The following LTBP1 variants were observed in gnomAD, a reference collection of about 807,000 sequenced individuals.
The protein encoded by LTBP1 is latent-transforming growth factor beta-binding protein 1.
A neutral mutation model predicts 207.6 loss-of-function variants in LTBP1; 129 were observed. That is an observed-to-expected ratio of 0.62 (90% CI 0.54 to 0.72). LTBP1 has a LOEUF of 0.72. Among genes scored for constraint, LTBP1 ranks in the 30% least tolerant of loss-of-function variants. LTBP1 has a pLI of 0.00. For synonymous variants in LTBP1, 963 were observed against 833.7 expected, an observed-to-expected ratio of 1.16 and a Z score of -2.67; for missense variants, 2,281 against 2,217.2, an observed-to-expected ratio of 1.03 and a Z score of -0.58.
chr2:33,073,289 T>TG (rs1057357905), intron 3 of LTBP1, among the ~76,000 whole-genome samples: 1 of 151,488 alleles, frequency 6.6e-6, no homozygotes, highest in African/African-American at 2.4e-5. Flanking sequence ...TTTTTTTGTT[T>TG]TTGTTTTTTT....
At chr2:33,143,041 C>T (rs558256566) in intron 5 of LTBP1, among the ~76,000 whole-genome samples, 1 of 152,308 alleles carries the variant, frequency 6.6e-6, no homozygotes, top group East Asian at 1.9e-4. Flanking sequence ...TCTTCCACCC[C>T]AATCCTCTAC....
chr2:32,969,227 ATTTGTGTGTGTGTGTGTGTGTGTGTG>A (rs1314661529), intron 2 of LTBP1, among the ~76,000 whole-genome samples: 3 of 92,604 alleles, frequency 3.2e-5, no homozygotes, highest in East Asian at 2.8e-4. Flanking sequence ...CACCTGGCCA[ATTTGTGTGTGTGTGTGTGTGTGTGTG>A]TGTGTGTGTG....
intron 7 of LTBP1, among the ~76,000 whole-genome samples, chr2:33,197,992 A>G (rs2088769217): frequency 1.3e-5 from 2 of 152,234 alleles, no homozygotes; most frequent in Non-Finnish European, 2.9e-5. Context: ...AGGACTCTGG[A>G]AAACCCTGAT....
intron 5 of LTBP1, among the ~76,000 whole-genome samples, chr2:33,177,802 C>T (rs919205968): frequency 5.9e-5 from 9 of 152,204 alleles, no homozygotes; most frequent in African/African-American, 2.2e-4. Context: ...ATACATGGTG[C>T]ATACCTGTAT....
intron 10 of LTBP1, among the ~76,000 whole-genome samples, chr2:33,244,712 T>G (rs2092450924): frequency 6.6e-6 from 1 of 152,230 alleles, no homozygotes. Flanking sequence ...CTGTTCAGCC[T>G]GCTGAGTAGC....
chr2:33,175,182 C>T (rs1343876168), intron 5 of LTBP1, among the ~76,000 whole-genome samples: 1 of 150,940 alleles, frequency 6.6e-6, no homozygotes, highest in African/African-American at 2.4e-5. Flanking sequence ...TAAAGAGCTT[C>T]TGCACAGCAA....
chr2:33,148,348 A>C (rs1347834569), intron 5 of LTBP1, among the ~76,000 whole-genome samples: 1 of 152,198 alleles, frequency 6.6e-6, no homozygotes, highest in Non-Finnish European at 1.5e-5. Flanking sequence ...CTTTCTGATA[A>C]CATATGTTCT....
chr2:33,109,701 T>G (rs1409132878), intron 3 of LTBP1, among the ~76,000 whole-genome samples: 1 of 152,248 alleles, frequency 6.6e-6, no homozygotes, highest in African/African-American at 2.4e-5. Flanking sequence ...ATTTATATTA[T>G]TATGAGACAC....
At chr2:33,039,250 AG>A (rs1049997360) in intron 3 of LTBP1, among the ~76,000 whole-genome samples, 1 of 152,048 alleles carries the variant, frequency 6.6e-6, no homozygotes, top group African/African-American at 2.4e-5. Context: ...GGGGTAGGAA[AG>A]GGGCAAATGC....
intron 7 of LTBP1, among the ~76,000 whole-genome samples, chr2:33,207,446 A>T (rs2089969071): frequency 1.3e-5 from 2 of 152,198 alleles, no homozygotes; most frequent in South Asian, 4.1e-4. Context: ...GTTGTATCAG[A>T]TTCCCCAAAT....
intron 3 of LTBP1, among the ~76,000 whole-genome samples, chr2:33,026,607 A>T (rs945103714): frequency 1.3e-5 from 2 of 152,132 alleles, no homozygotes; most frequent in African/African-American, 4.8e-5. Context: ...AGGTAGTTGA[A>T]GGTTTTGATC....
At chr2:33,106,722 C>T (rs533331544) in intron 3 of LTBP1, among the ~76,000 whole-genome samples, 1 of 151,856 alleles carries the variant, frequency 6.6e-6, no homozygotes, top group African/African-American at 2.4e-5. Context: ...TTGTAGAGCA[C>T]AGGCAGAGTA....
chr2:33,301,830 T>C lies in LTBP1; in HGVS notation c.3481+186T>C, dbSNP rs547290860. Among the ~76,000 whole-genome samples the C allele has an allele frequency of 8.5e-5, 13 of 152,292 alleles. 1 individual carries two copies. Among genetic ancestry groups the C allele is most frequent in the African/African-American group, 3.1e-4 (13 of 41,548 alleles). On this transcript the variant is annotated intron_variant, in intron 22 of 33. Coordinates refer to ENST00000404816, the MANE Select transcript of LTBP1 (RefSeq NM_206943.4). ...GAAGGGAGTAGAGTCCAGATTATCT[T>C]TGCACTGCTTGGAGCTGTCTTTTAG...
intron 6 of LTBP1, 130 bp from the exon 7 acceptor site, chr2:33,188,447 A>AAATAATT: frequency 3.0e-6 from 2 of 668,168 alleles, no homozygotes; most frequent in Non-Finnish European, 4.9e-6. Context: ...AAAAAAAAGA[A>AAATAATT]TTTTGATGGC....
chr2:33,032,889 T>C (rs2075752177), intron 3 of LTBP1, among the ~76,000 whole-genome samples: 1 of 152,182 alleles, frequency 6.6e-6, no homozygotes, highest in Non-Finnish European at 1.5e-5. Context: ...AGTGAGGAAA[T>C]GCTATACTTC....
chr2:33,326,638 A>AT (rs952526580), intron 24 of LTBP1, among the ~76,000 whole-genome samples: 25 of 62,950 alleles, frequency 4.0e-4, no homozygotes, highest in African/African-American at 1.0e-3. Context: ...AATGAGGGAT[A>AT]TAATTTATTT....
intron 3 of LTBP1, among the ~76,000 whole-genome samples, chr2:33,080,132 T>C (rs2078311303): frequency 2.6e-5 from 4 of 152,262 alleles, no homozygotes; most frequent in Admixed American, 2.6e-4. Flanking sequence ...GTTCAAGTGA[T>C]TCTGCTGCCT....
intron 22 of LTBP1, among the ~76,000 whole-genome samples, chr2:33,305,781 A>T (rs1379452404): frequency 6.6e-6 from 1 of 152,204 alleles, no homozygotes; most frequent in African/African-American, 2.4e-5. Context: ...TTGAGGAAAA[A>T]GTGGCAAGTG....
At chr2:33,271,764 A>C (rs1293945163) in intron 15 of LTBP1, among the ~76,000 whole-genome samples, 1 of 152,178 alleles carries the variant, frequency 6.6e-6, no homozygotes, top group East Asian at 1.9e-4. Flanking sequence ...TCTATATTAT[A>C]ATTTGTGCCT....
Sources: allele counts gnomAD v4.1 joint callset (sites outside exome capture counted in the v4.1 genomes callset), GRCh38; gene constraint gnomAD v4.1.1; transcripts MANE v1.5; gene names NCBI Gene and HGNC (gene_info 2026-07-23, HGNC 2026-07-21).